The following ZDBF2 variants were observed in gnomAD, a reference collection of about 807,000 sequenced individuals.
ZDBF2 encodes zinc finger DBF-type containing 2.
A neutral mutation model predicts 9.4 loss-of-function variants in ZDBF2; 6 were observed. That is an observed-to-expected ratio of 0.64 (90% CI 0.35 to 1.27). The LOEUF is 1.27. ZDBF2 is among the 50% of genes most tolerant of loss of function. The pLI is 0.03. For missense variants in ZDBF2, 2,697 were observed against 2,766.8 expected (o/e 0.97, Z 0.57); for synonymous variants, 905 against 946.3 (o/e 0.96, Z 0.80).
At position 206,305,399 on chromosome 2, in the gene ZDBF2, C is replaced by G; in HGVS notation, c.871C>G (p.Arg291Gly). 5 of 1,613,372 alleles carry G rather than the reference C, an allele frequency of 3.1e-6. No homozygotes were observed. Among genetic ancestry groups the G allele is most frequent in the Non-Finnish European group, 2.5e-6 (3 of 1,179,674 alleles). The change falls in exon 5 of 5, where the codon CGC becomes GGC. Residue 291 changes from arginine to glycine, a missense_variant. Physicochemically the swap from Arg to Gly is moderately radical, Grantham distance 125 (BLOSUM62 -2). This residue lies in a region of ZDBF2 where 910 missense variants were observed against 973.6 expected (regional missense o/e 0.93). Coordinates refer to ENST00000374423, the MANE Select transcript of ZDBF2 (RefSeq NM_020923.3). ...TLSAGLKFHE[R>G]MGTKGSLRVK... Reference sequence around the variant, plus strand: ...ATCAGCTGGCTTGAAATTCCATGAACGCATGGGTACTAAGGGCTCCTTAAG... The same window carrying G: ...ATCAGCTGGCTTGAAATTCCATGAAGGCATGGGTACTAAGGGCTCCTTAAG...
Position 206,309,614 on chromosome 2 carries a change from G to A in ZDBF2, c.5086G>A (p.Ala1696Thr). Residue 1696 changes from alanine (A) to threonine (T), a missense_variant, in exon 5 of 5, where the codon GCT (alanine) becomes ACT (threonine). This residue lies in a region of ZDBF2 where 1,783 missense variants were observed against 1,776.5 expected (regional missense o/e 1.00). Transcript: ENST00000374423. ...EASLRKDPRNAGLKGKSCQSS... is the reference protein window; with the variant it reads ...EASLRKDPRNTGLKGKSCQSS... ...CAGTCTTCGGAAGGATCCAAGAAAT[G>A]CTGGCCTAAAAGGTAAGAGCTGTCA... is the stretch of plus-strand genomic sequence containing the variant. 1.2e-6 allele frequency: 2 copies of A among 1,613,836 alleles called. No homozygotes were observed. Among genetic ancestry groups the A allele is most frequent in the Non-Finnish European group, 1.7e-6 (2 of 1,179,840 alleles).
Position 206,274,859 on chromosome 2 carries a change from C to T in ZDBF2, c.-190C>T, listed in dbSNP as rs978562088. On this transcript the variant is annotated 5_prime_UTR_variant, in exon 1 of 5. Transcript: ENST00000374423. ...GGACGGTCTGGGATTCGGGCGCCGC[C>T]GCGGAACCGGAATAAGAAGGGAGAG... 1 of 152,068 alleles carries T rather than the reference C, an allele frequency of 6.6e-6. No homozygotes were observed. The highest frequency in any genetic ancestry group is 1.5e-5 in the Non-Finnish European group (1 of 67,998). 9.4% of individuals were successfully genotyped at this position (152,068 alleles called of 1,614,324 possible). A position where few individuals can be genotyped will look rare whatever the true frequency, so the allele number is the denominator to read the frequency against.
At chr2:206,281,727 G>A in intron 2 of ZDBF2, 74 bp from the exon 3 acceptor site, 1 of 859,072 alleles carries the variant, frequency 1.2e-6, no homozygotes, top group Non-Finnish European at 1.8e-6. Flanking sequence ...TCTGTTTTCT[G>A]CTAATTATCA....
chr2:206,286,426 C>A (rs147352607), intron 3 of ZDBF2, among the ~76,000 whole-genome samples: 1 of 151,812 alleles, frequency 6.6e-6, no homozygotes, highest in African/African-American at 2.4e-5. Flanking sequence ...ATATGATGGC[C>A]CTCTTTGTCT....
In ZDBF2 at chr2:206,308,469, A is replaced by C. The variant is rs776488267; in HGVS notation, c.3941A>C (p.His1314Pro). The C allele has an allele frequency of 1.2e-6, 2 of 1,613,708 alleles. No individual in the cohort carries two copies. Among genetic ancestry groups the C allele is most frequent in the Non-Finnish European group, 1.7e-6 (2 of 1,179,792 alleles). ...GAAATAAATCTTTTGAGGGAGGAAC[A>C]TGTTTGTCTGGATGATAAGGGCTAT... ...NKEINLLREEHVCLDDKGYVP... is the reference protein window; with the variant it reads ...NKEINLLREEPVCLDDKGYVP... Residue 1314 changes from histidine (H) to proline (P), a missense_variant, in exon 5 of 5, where the codon CAT becomes CCT. Coordinates refer to ENST00000374423, the MANE Select transcript of ZDBF2 (RefSeq NM_020923.3).
chr2:206,306,376 G>T lies in ZDBF2; in HGVS notation c.1848G>T (p.Lys616Asn). The T allele has an allele frequency of 6.2e-7, 1 of 1,613,802 alleles. No individual in the cohort carries two copies. Among genetic ancestry groups the T allele is most frequent in the Non-Finnish European group, 8.5e-7 (1 of 1,179,812 alleles). Residue 616 changes from lysine to asparagine, a missense_variant, in exon 5 of 5, where the codon AAG (lysine) becomes AAT (asparagine). By Grantham distance (94) the Lys-to-Asn change is moderately conservative. Coordinates refer to ENST00000374423, the MANE Select transcript of ZDBF2 (RefSeq NM_020923.3). The part of the protein sequence containing the change: ...KGRQVHLKHK[K>N]RKPSSAKAHL... The stretch of plus-strand genomic sequence containing the variant: ...GACAAGTCCACCTAAAACATAAGAA[G>T]CGTAAACCCAGTAGTGCTAAAGCAC...
Position 206,308,288 on chromosome 2 carries a change from G to T in ZDBF2, c.3760G>T (p.Ala1254Ser), listed in dbSNP as rs1444252373. The change falls in exon 5 of 5, where the codon GCT (alanine) becomes TCT (serine). Residue 1254 changes from alanine to serine, a missense_variant. Ala to Ser is a moderately conservative substitution (Grantham distance 99). Around this residue, in one of 3 missense-constraint regions of ZDBF2, gnomAD observed 1,783 missense variants for 1,776.5 expected, o/e 1.00. Transcript: ENST00000374423. ...TGATTCTGATGTTCTTCAGCCAGTG[G>T]CTGGCCAACCTGAAGAAGTAGTTAA... ...MYDSDVLQPV[A>S]GQPEEVVKEV... 1 of 1,613,872 alleles carries T rather than the reference G, an allele frequency of 6.2e-7. No homozygotes were observed. The highest frequency in any genetic ancestry group is 1.7e-5 in the Admixed American group (1 of 60,008).
At chr2:206,297,079 T>C (rs1396284003) in intron 3 of ZDBF2, among the ~76,000 whole-genome samples, 167 bp from the exon 4 acceptor site, 1 of 152,222 alleles carries the variant, frequency 6.6e-6, no homozygotes, top group African/African-American at 2.4e-5. Flanking sequence ...TTATTTTACC[T>C]AAGGGAAAGT....
Position 206,309,844 on chromosome 2 carries a change from T to A in ZDBF2, c.5316T>A (p.Pro1772=), listed in dbSNP as rs1693057656. The change falls in exon 5 of 5, where the codon CCT becomes CCA. Residue 1772 remains proline, a synonymous_variant. Coordinates refer to ENST00000374423, the MANE Select transcript of ZDBF2 (RefSeq NM_020923.3). The part of the protein sequence containing the change: ...QPQETVKKRH[P]CKKVSSDLKE... ...AAGAAACTGTTAAGAAAAGACACCC[T>A]TGTAAGAAGGTATCTTCTGACTTGA... 1.2e-6 allele frequency: 2 copies of A among 1,613,932 alleles called. No individual in the cohort carries two copies. Among genetic ancestry groups the A allele is most frequent in the African/African-American group, 1.3e-5 (1 of 75,050 alleles).
chr2:206,280,760 TG>T (rs1559131199), intron 2 of ZDBF2, among the ~76,000 whole-genome samples: 134 of 152,278 alleles, frequency 8.8e-4, no homozygotes, highest in African/African-American at 3.0e-3. Context: ...CCTCATCTTA[TG>T]GTTTTAAGGC....
intron 4 of ZDBF2, among the ~76,000 whole-genome samples, chr2:206,299,406 C>T (rs1366934141): frequency 1.3e-5 from 2 of 151,962 alleles, no homozygotes; most frequent in African/African-American, 4.8e-5. Flanking sequence ...TGCGGTGGCT[C>T]ACGCCTGTAA....
At position 206,309,807 on chromosome 2, in the gene ZDBF2, C is replaced by A; in HGVS notation, c.5279C>A (p.Thr1760Asn). Residue 1760 changes from threonine (T) to asparagine (N), a missense_variant, in exon 5 of 5, where the codon ACT becomes AAT. Coordinates refer to ENST00000374423, the MANE Select transcript of ZDBF2 (RefSeq NM_020923.3). The part of the protein sequence containing the change: ...FQCAPPLPSD[T>N]DQPQETVKKR... ...TGTGCTCCCCCTCTTCCATCTGATACTGATCAGCCTCAAGAAACTGTTAAG... is the reference window on the plus strand; with the variant it reads ...TGTGCTCCCCCTCTTCCATCTGATAATGATCAGCCTCAAGAAACTGTTAAG... The A allele has an allele frequency of 6.2e-7, 1 of 1,613,848 alleles. No homozygotes were observed. The highest frequency in any genetic ancestry group is 2.2e-5 in the East Asian group (1 of 44,878).
chr2:206,307,708 T>G lies in ZDBF2; in HGVS notation c.3180T>G (p.Phe1060Leu), dbSNP rs769716861. 1.9e-6 allele frequency: 3 copies of G among 1,613,512 alleles called. No individual in the cohort carries two copies. The highest frequency in any genetic ancestry group is 2.5e-6 in the Non-Finnish European group (3 of 1,179,732). The change falls in exon 5 of 5, where the codon TTT becomes TTG. Residue 1060 changes from phenylalanine to leucine, a missense_variant. Physicochemically the swap from Phe to Leu is conservative, Grantham distance 22 (BLOSUM62 0). Around this residue, in one of 3 missense-constraint regions of ZDBF2, gnomAD observed 1,783 missense variants for 1,776.5 expected, o/e 1.00. Coordinates refer to ENST00000374423, the MANE Select transcript of ZDBF2 (RefSeq NM_020923.3). Reference sequence around the variant, plus strand: ...TGACTGACCAACCTCAACTAGCTTTTTTGAAGGAAAAACATGTTAATCTGA... The same window carrying G: ...TGACTGACCAACCTCAACTAGCTTTGTTGAAGGAAAAACATGTTAATCTGA... ...QSMTDQPQLA[F>L]LKEKHVNLKD... is the part of the protein sequence containing the mutation.
At position 206,306,118 on chromosome 2, in the gene ZDBF2, C is replaced by CTATG; in HGVS notation, c.1591_1594dup (p.Gly532ValfsTer5). Reference sequence around the variant, plus strand: ...TGCACATTGGTTTGGTTGATAAGAACTATGGTTCCAGTAGCTCTGAAGTAA... The same window carrying CTATG: ...TGCACATTGGTTTGGTTGATAAGAACTATGTATGGTTCCAGTAGCTCTGAAGTAA... On this transcript the variant is annotated frameshift_variant, in exon 5 of 5. Coordinates refer to ENST00000374423, the MANE Select transcript of ZDBF2 (RefSeq NM_020923.3). LOFTEE classifies it low-confidence loss of function (END_TRUNC). The CTATG allele has an allele frequency of 6.2e-7, 1 of 1,613,836 alleles. No individual in the cohort carries two copies. The highest frequency in any genetic ancestry group is 8.5e-7 in the Non-Finnish European group (1 of 1,179,810).
intron 3 of ZDBF2, among the ~76,000 whole-genome samples, chr2:206,285,913 C>T (rs555499396): frequency 9.2e-5 from 14 of 152,240 alleles, no homozygotes; most frequent in African/African-American, 2.9e-4. Context: ...CTGTTCTTTC[C>T]CCCAACTTAT....
chr2:206,309,761 G>T lies in ZDBF2; in HGVS notation c.5233G>T (p.Gly1745Cys). The T allele has an allele frequency of 6.2e-7, 1 of 1,613,924 alleles. No homozygotes were observed. The highest frequency in any genetic ancestry group is 1.1e-5 in the South Asian group (1 of 91,070). Residue 1745 changes from glycine to cysteine, a missense_variant, in exon 5 of 5, where the codon GGT (glycine) becomes TGT (cysteine). By Grantham distance (159) the Gly-to-Cys change is radical (BLOSUM62 -3). Around this residue, in one of 3 missense-constraint regions of ZDBF2, gnomAD observed 1,783 missense variants for 1,776.5 expected, o/e 1.00. Coordinates refer to ENST00000374423, the MANE Select transcript of ZDBF2 (RefSeq NM_020923.3). ...TCTAGAAGTGAGCTGTGAACCGGAT[G>T]GTTTTGAGATGAATTTTCAGTGTGC... ...RDLEVSCEPD[G>C]FEMNFQCAPP...
chr2:206,288,427 A>G (rs888019715), intron 3 of ZDBF2, among the ~76,000 whole-genome samples: 3 of 152,212 alleles, frequency 2.0e-5, no homozygotes, highest in African/African-American at 7.2e-5. Flanking sequence ...CTTGATGTCA[A>G]GGGCTTCTGG....
chr2:206,292,137 T>G (rs911122648), intron 3 of ZDBF2: 3 of 398,224 alleles, frequency 7.5e-6, no homozygotes, highest in African/African-American at 6.2e-5. Context: ...AGGCAATCAA[T>G]CTAAGTGAAT....
rs960314391 is a variant in ZDBF2, at chr2:206,311,698, T to A, written c.*105T>A. 2 of 1,107,890 alleles carry A rather than the reference T, an allele frequency of 1.8e-6. No homozygotes were observed. The highest frequency in any genetic ancestry group is 2.4e-6 in the Non-Finnish European group (2 of 850,698). 68.6% of individuals were successfully genotyped at this position (1,107,890 alleles called of 1,614,324 possible). A position where few individuals can be genotyped will look rare whatever the true frequency, so the allele number is the denominator to read the frequency against. ...CCCAGCTTTGGTGAGAAAACTAATC[T>A]TGAACTATTTTGCTATAAATATTAT... On this transcript the variant is annotated 3_prime_UTR_variant, in exon 5 of 5. Transcript: ENST00000374423.
Sources: gnomAD v4.1 joint callset for allele counts (sites outside exome capture counted in the v4.1 genomes callset) on GRCh38, gnomAD v4.1.1 for gene constraint, gnomAD v4.1.1 regional missense constraint, MANE v1.5 for transcripts, NCBI Gene and HGNC (gene_info 2026-07-23, HGNC 2026-07-21) for gene names.